RANBP17: variants seen among roughly 807,000 people sequenced by gnomAD.
RANBP17 encodes ran-binding protein 17.
RANBP17 carries 158 observed loss-of-function variants against 141.2 expected under a neutral mutation model. That is an observed-to-expected ratio of 1.12 (90% CI 0.98 to 1.28). The LOEUF is 1.28. Ranked by LOEUF, RANBP17 falls within the 50% of genes most tolerant of loss-of-function variation. RANBP17 has a pLI of 0.00. For missense variants in RANBP17, 1,438 were observed against 1,290.7 expected (o/e 1.11, Z -1.75); for synonymous variants, 430 against 450.0 (o/e 0.96, Z 0.56).
chr5:171,053,250 G>A (rs574825104), intron 14 of RANBP17, among the ~76,000 whole-genome samples: 2 of 151,540 alleles, frequency 1.3e-5, no homozygotes, highest in East Asian at 1.9e-4. Flanking sequence ...GTGCAGATTC[G>A]TTACATGGGT....
chr5:170,970,701 A>G (rs765453532), intron 14 of RANBP17: 1 of 152,096 alleles, frequency 6.6e-6, no homozygotes, highest in Non-Finnish European at 1.5e-5. Flanking sequence ...TATTTTTTTT[A>G]AATCCATCTT....
chr5:170,978,014 A>G (rs1430400853), intron 14 of RANBP17, among the ~76,000 whole-genome samples: 1 of 152,124 alleles, frequency 6.6e-6, no homozygotes, highest in Non-Finnish European at 1.5e-5. Flanking sequence ...TTACCAAAAA[A>G]CAGACCAAAA....
intron 18 of RANBP17, among the ~76,000 whole-genome samples, chr5:171,197,898 G>T (rs1762068563): frequency 1.3e-5 from 2 of 152,132 alleles, no homozygotes; most frequent in Admixed American, 1.3e-4. Flanking sequence ...AATTAGCCGG[G>T]CGTTGTGGCA....
At chr5:170,898,370 A>T (rs1490122531) in intron 5 of RANBP17, among the ~76,000 whole-genome samples, 1 of 151,620 alleles carries the variant, frequency 6.6e-6, no homozygotes, top group African/African-American at 2.4e-5. Flanking sequence ...CCACTTTGTG[A>T]TGGGGTTTTT....
At chr5:171,074,252 GA>G (rs1248898479) in intron 14 of RANBP17, among the ~76,000 whole-genome samples, 2 of 152,022 alleles carry the variant, frequency 1.3e-5, no homozygotes, top group African/African-American at 4.8e-5. Context: ...TTAAAACTCA[GA>G]TTGAAGGAAA....
At chr5:170,985,583 C>T (rs916061809) in intron 14 of RANBP17, among the ~76,000 whole-genome samples, 1 of 152,158 alleles carries the variant, frequency 6.6e-6, no homozygotes, top group African/African-American at 2.4e-5. Flanking sequence ...AGGGTGAAAT[C>T]CCTTGTATCT....
chr5:170,918,841 T>C lies in RANBP17; in HGVS notation c.1083T>C (p.Phe361=). Residue 361 remains phenylalanine (F), a synonymous_variant, in exon 10 of 28, where the codon TTT becomes TTC. Coordinates refer to ENST00000523189, the MANE Select transcript of RANBP17 (RefSeq NM_022897.5). Reference sequence around the variant, plus strand: ...AAGTTATTAGATTGATTGCTAATTTTACCATTACTAGCCTACAGGTAGGTA... The same window carrying C: ...AAGTTATTAGATTGATTGCTAATTTCACCATTACTAGCCTACAGGTAGGTA... The part of the protein sequence containing the change: ...YPEVIRLIAN[F]TITSLQHWEF... The C allele has an allele frequency of 6.3e-7, 1 of 1,582,232 alleles. No individual in the cohort carries two copies. Among genetic ancestry groups the C allele is most frequent in the South Asian group, 1.2e-5 (1 of 86,800 alleles).
At chr5:171,129,309 C>T (rs139857579) in intron 14 of RANBP17, among the ~76,000 whole-genome samples, 43 of 152,230 alleles carry the variant, frequency 2.8e-4, no homozygotes, top group African/African-American at 9.9e-4. Flanking sequence ...TTTTACCACA[C>T]ATTTGTTGCA....
rs765350374 is a variant in RANBP17 at position 170,924,549 on chromosome 5, A to G, written c.1467A>G (p.Glu489=). Residue 489 remains glutamate (E), a splice_region_variant and synonymous_variant, in exon 12 of 28, where the codon GAA becomes GAG. Transcript: ENST00000523189. ...TAACTGTGGACATCACCATTCAGGAAGGTCAGTAAACTTTATATGACTACT... is the reference window on the plus strand; with the variant it reads ...TAACTGTGGACATCACCATTCAGGAGGGTCAGTAAACTTTATATGACTACT... ...SGVTVDITIQ[E]GRLAWLVYLV... 6.3e-7 allele frequency: 1 copy of G among 1,589,298 alleles called. No homozygotes were observed. Among genetic ancestry groups the G allele is most frequent in the Non-Finnish European group, 8.6e-7 (1 of 1,160,156 alleles).
chr5:171,118,706 C>A (rs761412505), intron 14 of RANBP17, among the ~76,000 whole-genome samples: 1 of 152,028 alleles, frequency 6.6e-6, no homozygotes, highest in Admixed American at 6.6e-5. Flanking sequence ...AATGGATTGC[C>A]TTCTTGATTT....
At chr5:170,968,564 T>A (rs1462135663) in intron 14 of RANBP17, 187 bp downstream of exon 14, 12 of 646,448 alleles carry the variant, frequency 1.9e-5, no homozygotes, top group Non-Finnish European at 3.1e-5. Context: ...CCATTTTCTT[T>A]AAAGATTGAG....
chr5:170,966,574 C>CACAGCCAAT (rs1227274995), intron 13 of RANBP17, among the ~76,000 whole-genome samples: 1 of 151,972 alleles, frequency 6.6e-6, no homozygotes, highest in Non-Finnish European at 1.5e-5. Flanking sequence ...ATGACAAACC[C>CACAGCCAAT]ACAGCCAATA....
At chr5:171,183,617 C>A (rs979544857) in intron 18 of RANBP17, among the ~76,000 whole-genome samples, 187 bp downstream of exon 18, 3 of 152,186 alleles carry the variant, frequency 2.0e-5, no homozygotes, top group African/African-American at 7.2e-5. Flanking sequence ...AATATTTGTA[C>A]TTAAGGTGGC....
chr5:170,873,500 A>C (rs909527944), intron 1 of RANBP17, among the ~76,000 whole-genome samples: 1 of 151,988 alleles, frequency 6.6e-6, no homozygotes, highest in East Asian at 1.9e-4. Flanking sequence ...TTGGTAGGCT[A>C]TTTTTTTACT....
chr5:171,130,019 CTACT>C (rs553629815), intron 14 of RANBP17, among the ~76,000 whole-genome samples: 82 of 152,248 alleles, frequency 5.4e-4, no homozygotes, highest in Non-Finnish European at 1.1e-3. Context: ...TGTCAGGGCT[CTACT>C]TTTTAAAAGG....
intron 19 of RANBP17, among the ~76,000 whole-genome samples, chr5:171,203,567 T>G (rs538623549): frequency 6.6e-6 from 1 of 152,256 alleles, no homozygotes; most frequent in Non-Finnish European, 1.5e-5. Flanking sequence ...AATGAAACAT[T>G]GATATAATTT....
chr5:170,897,654 T>A (rs556989884), intron 5 of RANBP17, among the ~76,000 whole-genome samples: 2 of 148,968 alleles, frequency 1.3e-5, no homozygotes, highest in South Asian at 4.5e-4. Flanking sequence ...AGTAAGAACA[T>A]GCAGTGTTTG....
In RANBP17 at chr5:170,896,072, T is replaced by C; in HGVS notation, c.446T>C (p.Ile149Thr). The change falls in exon 5 of 28, where the codon ATA (isoleucine) becomes ACA (threonine). Residue 149 changes from isoleucine (I) to threonine (T), a missense_variant. Physicochemically the swap from Ile to Thr is moderately conservative, Grantham distance 89. Coordinates refer to ENST00000523189, the MANE Select transcript of RANBP17 (RefSeq NM_022897.5). ...FLQGTVEHCI[I>T]GVIILSELTQ... Reference sequence around the variant, plus strand: ...AAGGGTACTGTGGAACACTGCATAATAGGAGTAATAATCCTTTCTGAATTG... The same window carrying C: ...AAGGGTACTGTGGAACACTGCATAACAGGAGTAATAATCCTTTCTGAATTG... 2.5e-6 allele frequency: 4 copies of C among 1,608,824 alleles called. No homozygotes were observed. The South Asian group carries it at 4.5e-5, about 18-fold the overall frequency.
At chr5:171,060,564 T>C (rs1308504816) in intron 14 of RANBP17, among the ~76,000 whole-genome samples, 3 of 152,228 alleles carry the variant, frequency 2.0e-5, no homozygotes, top group Non-Finnish European at 4.4e-5. Context: ...ATTCGGTTTG[T>C]CAGTATTTTA....
Sources: allele counts gnomAD v4.1 joint callset (sites outside exome capture counted in the v4.1 genomes callset), GRCh38; gene constraint gnomAD v4.1.1; transcripts MANE v1.5; gene names NCBI Gene and HGNC (gene_info 2026-07-23, HGNC 2026-07-21).